IL27: variants seen among roughly 807,000 people sequenced by gnomAD.
IL27 encodes the protein interleukin-27 subunit alpha.
In IL27, 11 loss-of-function variants were observed where a neutral mutation model predicts 27.0. The ratio of observed to expected loss-of-function variants is 0.41; its 90% confidence interval spans 0.26 to 0.67. The LOEUF (loss-of-function observed/expected upper bound fraction) is 0.67. Ranked by LOEUF, IL27 falls within the 30% of genes least tolerant of loss-of-function variation. The pLI is 0.34. For missense variants in IL27, 299 were observed against 310.4 expected, an observed-to-expected ratio of 0.96 and a Z score of 0.28; for synonymous variants, 134 against 140.6, an observed-to-expected ratio of 0.95 and a Z score of 0.33.
chr16:28,502,785 C>A (rs1359428970), intron 3 of IL27, among the ~76,000 whole-genome samples: 2 of 152,104 alleles, frequency 1.3e-5, no homozygotes, highest in African/African-American at 4.8e-5. Flanking sequence ...TCCACTCTTA[C>A]CTCTTCCCAA....
intron 1 of IL27, among the ~76,000 whole-genome samples, chr16:28,506,389 G>C (rs1471085453): frequency 6.6e-6 from 1 of 152,144 alleles, no homozygotes; most frequent in African/African-American, 2.4e-5. Context: ...TGGTCCCAGT[G>C]CTCCACTTGT....
intron 1 of IL27, among the ~76,000 whole-genome samples, chr16:28,505,222 G>C (rs1369279244): frequency 6.6e-6 from 1 of 152,256 alleles, no homozygotes; most frequent in East Asian, 1.9e-4. Flanking sequence ...CCCCAGGGAT[G>C]GGCTGGCAAT....
In IL27 at chr16:28,499,808, G is replaced by T; in HGVS notation, c.575C>A (p.Pro192Gln). The change falls in exon 5 of 5, where the codon CCG becomes CAG. Residue 192 changes from proline (P) to glutamine (Q), a missense_variant. Transcript: ENST00000356897. The stretch of plus-strand genomic sequence containing the variant: ...GAGCTGGGGCCAGGACACCTGGGCC[G>T]GGCCCTGTAAGGCGCTGCCCAGTGC... ...PGALGSALQG[P>Q]AQVSWPQLLS... 6.2e-7 allele frequency: 1 copy of T among 1,602,168 alleles called. No individual in the cohort carries two copies. The highest frequency in any genetic ancestry group is 1.1e-5 in the South Asian group (1 of 89,244).
intron 3 of IL27, among the ~76,000 whole-genome samples, chr16:28,503,041 C>T (rs1432467623): frequency 2.0e-5 from 3 of 151,960 alleles, no homozygotes; most frequent in Non-Finnish European, 4.4e-5. Context: ...AGGCTGGTCT[C>T]GAACTCCTGA....
chr16:28,506,760 C>G (rs767070305), intron 1 of IL27, 21 bp downstream of exon 1: 31 of 1,609,774 alleles, frequency 1.9e-5, no homozygotes, highest in African/African-American at 9.4e-5. Context: ...CCAAGCCCCC[C>G]ACCCCTGGCT....
Position 28,506,799 on chromosome 16 carries a change from C to A in IL27, c.13G>T (p.Ala5Ser). The A allele has an allele frequency of 6.2e-7, 1 of 1,612,312 alleles. No individual in the cohort carries two copies. Among genetic ancestry groups the A allele is most frequent in the Non-Finnish European group, 8.5e-7 (1 of 1,179,188 alleles). The change falls in exon 1 of 5, where the codon GCA (alanine) becomes TCA (serine). Residue 5 changes from alanine (A) to serine (S), a missense_variant. Physicochemically the swap from Ala to Ser is moderately conservative, Grantham distance 99 (BLOSUM62 1). Coordinates refer to ENST00000356897, the MANE Select transcript of IL27 (RefSeq NM_145659.3). MGQT[A>S]GDLGWRLSLL... is the part of the protein sequence containing the mutation. ...AACTCACGCCAGCCAAGGTCGCCTGCCGTCTGGCCCATGGCGGGGCCCAGC... is the reference window on the plus strand; with the variant it reads ...AACTCACGCCAGCCAAGGTCGCCTGACGTCTGGCCCATGGCGGGGCCCAGC...
At chr16:28,501,890 C>G in intron 4 of IL27, 86 bp downstream of exon 4, 1 of 1,464,110 alleles carries the variant, frequency 6.8e-7, no homozygotes, top group Non-Finnish European at 9.3e-7. Context: ...CACACTCACA[C>G]ACACTCAGAG....
chr16:28,504,147 A>T, intron 1 of IL27, 97 bp from the exon 2 acceptor site: 1 of 1,271,368 alleles, frequency 7.9e-7, no homozygotes, highest in Non-Finnish European at 1.1e-6. Flanking sequence ...AGCACGGTGC[A>T]GGCACTTTGA....
intron 1 of IL27, among the ~76,000 whole-genome samples, chr16:28,504,709 C>T (rs1395680546): frequency 6.6e-6 from 1 of 152,036 alleles, no homozygotes; most frequent in Non-Finnish European, 1.5e-5. Context: ...CTCAGCCTCC[C>T]AAGTAGCTGG....
At chr16:28,501,865 TCACA>T in intron 4 of IL27, 107 bp downstream of exon 4, 1 of 1,290,608 alleles carries the variant, frequency 7.7e-7, no homozygotes, top group Admixed American at 2.0e-5. Context: ...GGACACTCAG[TCACA>T]CTCACACTCT....
At chr16:28,501,839 G>A (rs1230307486) in intron 4 of IL27, 137 bp downstream of exon 4, 4 of 1,044,704 alleles carry the variant, frequency 3.8e-6, no homozygotes, top group Non-Finnish European at 5.6e-6. Flanking sequence ...TCACACTCAT[G>A]AACCCACACA....
intron 3 of IL27, 56 bp from the exon 4 acceptor site, chr16:28,502,190 C>T (rs2046436598): frequency 6.7e-7 from 1 of 1,482,078 alleles, no homozygotes. Flanking sequence ...GGCCATATCA[C>T]ACCCACCCCC....
chr16:28,500,785 T>C (rs999029730), intron 4 of IL27, among the ~76,000 whole-genome samples: 4 of 152,100 alleles, frequency 2.6e-5, no homozygotes, highest in African/African-American at 9.7e-5. Flanking sequence ...AATGTGAAGA[T>C]TGAGGGGCAG....
chr16:28,501,701 A>C (rs1456092291), intron 4 of IL27, among the ~76,000 whole-genome samples: 1 of 150,102 alleles, frequency 6.7e-6, no homozygotes, highest in Non-Finnish European at 1.5e-5. Flanking sequence ...ACATGCACTC[A>C]CAGTCACTCC....
Position 28,499,625 on chromosome 16 carries a change from G to C in IL27, c.*26C>G. On this transcript the variant is annotated 3_prime_UTR_variant, in exon 5 of 5. Transcript: ENST00000356897. ...CCAGTCCTAAAGTTCTAAAGGGTGG[G>C]GGGCAGGGGGCTAAGAAGCCACCGA... 1 of 1,573,856 alleles carries C rather than the reference G, an allele frequency of 6.4e-7. No individual in the cohort carries two copies. The highest frequency in any genetic ancestry group is 1.1e-5 in the South Asian group (1 of 87,380).
rs776905242 is a variant in IL27, at chr16:28,503,867, G to C, written c.204+11C>G. 2.5e-6 allele frequency: 4 copies of C among 1,613,848 alleles called. No individual in the cohort carries two copies. The highest frequency in any genetic ancestry group is 1.1e-5 in the South Asian group (1 of 91,084). ...CCCATCTCCAGCGCCAGCTGCATTA[G>C]GGGGACTTACAAAGCGGTGGGCCTG... On this transcript the variant is annotated intron_variant, in intron 2 of 4. Transcript: ENST00000356897.
intron 3 of IL27, among the ~76,000 whole-genome samples, chr16:28,502,884 G>A (rs572266870): frequency 6.4e-4 from 98 of 152,206 alleles, no homozygotes; most frequent in African/African-American, 2.3e-3. Context: ...GTGCAGTGGC[G>A]CGATCTCATC....
At chr16:28,501,644 C>T (rs2046431141) in intron 4 of IL27, among the ~76,000 whole-genome samples, 4 of 151,088 alleles carry the variant, frequency 2.6e-5, no homozygotes, top group Non-Finnish European at 4.4e-5. Flanking sequence ...CTCACACTCA[C>T]GGACCCACAC....
In IL27 at chr16:28,503,889, C is replaced by A; in HGVS notation, c.193G>T (p.Ala65Ser). Reference protein sequence around the residue: ...RKLLSEVRGQAHRFAESHLPG... With the variant: ...RKLLSEVRGQSHRFAESHLPG... ...TTAGGGGGACTTACAAAGCGGTGGGCCTGGCCCCGAACCTCGGAGAGCAGC... is the reference window on the plus strand; with the variant it reads ...TTAGGGGGACTTACAAAGCGGTGGGACTGGCCCCGAACCTCGGAGAGCAGC... The change falls in exon 2 of 5, where the codon GCC becomes TCC. Residue 65 changes from alanine (A) to serine (S), a missense_variant. Transcript: ENST00000356897. 1 of 1,614,180 alleles carries A rather than the reference C, an allele frequency of 6.2e-7. No homozygotes were observed. Among genetic ancestry groups the A allele is most frequent in the Non-Finnish European group, 8.5e-7 (1 of 1,180,026 alleles).
Sources: allele counts gnomAD v4.1 joint callset (sites outside exome capture counted in the v4.1 genomes callset), GRCh38; gene constraint gnomAD v4.1.1; transcripts MANE v1.5; gene names NCBI Gene and HGNC (gene_info 2026-07-23, HGNC 2026-07-21).